The following NXNL2 variants were observed in gnomAD, a reference collection of about 807,000 sequenced individuals.
NXNL2 encodes the protein nucleoredoxin-like protein 2.
A neutral mutation model predicts 11.1 loss-of-function variants in NXNL2; 7 were observed. The ratio of observed to expected loss-of-function variants is 0.63; its 90% CI spans 0.36 to 1.18. The LOEUF is 1.18. Among genes scored for constraint, NXNL2 ranks in the 50% most tolerant of loss-of-function variants. NXNL2 has a pLI of 0.02. For synonymous variants in NXNL2, 109 were observed against 101.8 expected, an observed-to-expected ratio of 1.07 and a Z score of -0.42; for missense variants, 233 against 217.7, an observed-to-expected ratio of 1.07 and a Z score of -0.44.
chr9:88,539,123 T>C (rs990067994), intron 1 of NXNL2, among the ~76,000 whole-genome samples: 1 of 152,182 alleles, frequency 6.6e-6, no homozygotes, highest in South Asian at 2.1e-4. Context: ...TGCTGTGGGA[T>C]TGGCCAACTT....
chr9:88,538,110 C>A (rs926892178), intron 1 of NXNL2, among the ~76,000 whole-genome samples: 4 of 152,082 alleles, frequency 2.6e-5, no homozygotes, highest in African/African-American at 9.7e-5. Flanking sequence ...AGCTCAGGGC[C>A]CAGAGGGGAT....
chr9:88,565,254 C>A (rs536792268), intron 1 of NXNL2, among the ~76,000 whole-genome samples: 1 of 152,288 alleles, frequency 6.6e-6, no homozygotes, highest in East Asian at 1.9e-4. Context: ...TTTATCCATT[C>A]ATCTGTCGAT....
chr9:88,575,154 T>TCC, exon 3 of NXNL2: 1 of 985,264 alleles, frequency 1.0e-6, no homozygotes, highest in Non-Finnish European at 1.2e-6. Context: ...GTGCAGCTGT[T>TCC]CTCCCCCCGC....
chr9:88,580,865 T>C (rs547876247), intron 1 of NXNL2, among the ~76,000 whole-genome samples: 1 of 146,360 alleles, frequency 6.8e-6, no homozygotes, highest in Middle Eastern at 3.4e-3. Context: ...ACAACTTTTC[T>C]TTGTCTCTAA....
Position 88,567,354 on chromosome 9 carries a change from G to A in NXNL2, c.303-3733G>A, listed in dbSNP as rs1057104825. 1.4e-4 allele frequency among the ~76,000 whole-genome samples: 21 copies of A among 152,084 alleles called. 1 individual carries two copies. The highest frequency in any genetic ancestry group is 5.9e-5 in the Non-Finnish European group (4 of 68,020). On this transcript the variant is annotated intron_variant, in intron 1 of 2. Transcript: ENST00000375855. The stretch of plus-strand genomic sequence containing the variant: ...GGGTTTCACCATGTTGGCCAGCCTT[G>A]TCTCCAACTCTTGACTTCGTGATTT...
At chr9:88,539,474 A>C (rs1587839992) in intron 1 of NXNL2, among the ~76,000 whole-genome samples, 1 of 152,156 alleles carries the variant, frequency 6.6e-6, no homozygotes, top group South Asian at 2.1e-4. Context: ...ACAGAGTCCC[A>C]CCTGGTCTGG....
chr9:88,572,576 G>A (rs1402126704), intron 2 of NXNL2, among the ~76,000 whole-genome samples: 1 of 152,232 alleles, frequency 6.6e-6, no homozygotes, highest in Admixed American at 6.5e-5. Context: ...GACATGCTCA[G>A]CAGCAGAAGC....
At position 88,580,984 on chromosome 9, in the gene NXNL2, G is replaced by A. The variant is rs148369312; in HGVS notation, n.552-3015G>A. On this transcript the variant is annotated intron_variant and non_coding_transcript_variant, in intron 1 of 1. Coordinates refer to the NXNL2 transcript ENST00000478686. ...TTTGCAAGAATATCATAAGAGTGAC[G>A]TGGTATCCTCCTCAGTGTGTGGTAT... 4.9e-3 allele frequency among the ~76,000 whole-genome samples: 745 copies of A among 152,268 alleles called. 12 individuals are homozygous for A. Among genetic ancestry groups the A allele is most frequent in the African/African-American group, 0.017 (708 of 41,558 alleles).
chr9:88,583,522 TC>T (rs1189489380), intron 1 of NXNL2, among the ~76,000 whole-genome samples: 1 of 152,150 alleles, frequency 6.6e-6, no homozygotes, highest in East Asian at 1.9e-4. Flanking sequence ...CACGGGTGAC[TC>T]CACCCTACAC....
At chr9:88,572,328 C>A (rs1830279473) in intron 2 of NXNL2, among the ~76,000 whole-genome samples, 1 of 152,038 alleles carries the variant, frequency 6.6e-6, no homozygotes, top group Admixed American at 6.6e-5. Flanking sequence ...GTGGGGACAG[C>A]TCCTAGGGCT....
At chr9:88,556,203 G>A (rs918465513) in intron 1 of NXNL2, among the ~76,000 whole-genome samples, 1 of 152,174 alleles carries the variant, frequency 6.6e-6, no homozygotes, top group African/African-American at 2.4e-5. Context: ...AACTTGGTGG[G>A]CCAGCCAGGA....
rs1022147680 is a variant in NXNL2 at position 88,535,263 on chromosome 9, G to C, written c.-172G>C. ...TGTCGGCGCGAACACAATTGCTCCA[G>C]CCACAGGCGAGGCCTGGCCAAGGTG... On this transcript the variant is annotated 5_prime_UTR_variant, in exon 1 of 2. Transcript: ENST00000375854. 4 of 609,648 alleles carry C rather than the reference G, an allele frequency of 6.6e-6. No homozygotes were observed. The African/African-American group carries it at 7.7e-5, about 12-fold the overall frequency. 37.8% of individuals were successfully genotyped at this position (609,648 alleles called of 1,614,324 possible). A position where few individuals can be genotyped will look rare whatever the true frequency, so the allele number is the denominator to read the frequency against.
downstream of NXNL2, among the ~76,000 whole-genome samples, chr9:88,580,509 C>A (rs140575141): frequency 5.0e-3 from 762 of 152,228 alleles, 10 homozygotes; most frequent in African/African-American, 0.017. Context: ...GTGGGAGCTT[C>A]TCTCTTTTTT....
intron 1 of NXNL2, among the ~76,000 whole-genome samples, chr9:88,536,493 G>GT (rs35135527): frequency 0.12 from 18,328 of 152,128 alleles, 2,674 homozygotes; most frequent in East Asian, 0.77. Context: ...CTCCTATGGT[G>GT]TAAGAGTCCA....
downstream of NXNL2, among the ~76,000 whole-genome samples, chr9:88,579,859 G>A (rs916452190): frequency 5.3e-5 from 8 of 152,050 alleles, no homozygotes; most frequent in Non-Finnish European, 1.0e-4. Flanking sequence ...GGGAGGGCGC[G>A]GTGGCTCACG....
chr9:88,551,466 T>A (rs1259249571), intron 1 of NXNL2, among the ~76,000 whole-genome samples: 4 of 152,206 alleles, frequency 2.6e-5, no homozygotes, highest in African/African-American at 7.2e-5. Context: ...TTCTTTGTTG[T>A]CTGAGTCAGT....
chr9:88,547,469 C>A (rs969139004), downstream of NXNL2, among the ~76,000 whole-genome samples: 3 of 152,134 alleles, frequency 2.0e-5, no homozygotes, highest in Non-Finnish European at 4.4e-5. Flanking sequence ...CACAGACATT[C>A]CTAGAGAAAG....
Position 88,535,329 on chromosome 9 carries a change from G to A in NXNL2, c.-106G>A. The A allele has an allele frequency of 8.4e-7, 1 of 1,183,968 alleles. No individual in the cohort carries two copies. The highest frequency in any genetic ancestry group is 1.6e-5 in the South Asian group (1 of 63,590). The allele number at this position is 1,183,968 out of a possible 1,614,324, so 73.3% of individuals were successfully genotyped here. On this transcript the variant is annotated 5_prime_UTR_variant, in exon 1 of 2. In the 5' UTR this introduces an upstream ATG that the reference lacks. Transcript: ENST00000375854. ...CAGGTCTTGAGAGGTCCAGCGCCCG[G>A]TGGTGCGGACAGAGGCGGGGCACCG...
intron 1 of NXNL2, among the ~76,000 whole-genome samples, chr9:88,570,544 C>A (rs1830245494): frequency 6.6e-6 from 1 of 152,204 alleles, no homozygotes; most frequent in South Asian, 2.1e-4. Flanking sequence ...CCTCATCATG[C>A]CTCAGTTTCC....
Sources: allele counts gnomAD v4.1 joint callset (sites outside exome capture counted in the v4.1 genomes callset), GRCh38; gene constraint gnomAD v4.1.1; transcripts MANE v1.5; gene names NCBI Gene and HGNC (gene_info 2026-07-23, HGNC 2026-07-21).